The following KCNIP4 variants were observed in gnomAD, a reference collection of about 807,000 sequenced individuals.
KCNIP4 encodes Kv channel-interacting protein 4.
In KCNIP4, 12 loss-of-function variants were observed where a neutral mutation model predicts 34.0. That is an observed-to-expected ratio of 0.35 (90% confidence interval 0.23 to 0.57). The LOEUF (loss-of-function observed/expected upper bound fraction) is 0.57, where lower values mean the gene tolerates loss of function less well. KCNIP4 is among the 20% of genes least tolerant of loss of function. The pLI, the probability that KCNIP4 is intolerant of heterozygous loss-of-function variation, is 0.83. For missense variants in KCNIP4, 238 were observed against 311.7 expected, an observed-to-expected ratio of 0.76 and a Z score of 1.78; for synonymous variants, 124 against 102.2, an observed-to-expected ratio of 1.21 and a Z score of -1.29.
intron 1 of KCNIP4, among the ~76,000 whole-genome samples, chr4:21,280,438 T>C (rs922013433): frequency 3.3e-5 from 5 of 152,176 alleles, no homozygotes; most frequent in Non-Finnish European, 5.9e-5. Context: ...AACAAGCACC[T>C]GTTATCTCTA....
chr4:21,187,849 G>A (rs570182823), intron 1 of KCNIP4, among the ~76,000 whole-genome samples: 7 of 152,162 alleles, frequency 4.6e-5, no homozygotes, highest in East Asian at 1.9e-4. Flanking sequence ...AGGCTGGCTC[G>A]AAATTAGCAT....
rs1182454951 is a variant in KCNIP4, at chr4:20,905,505, C to CTTTTTTTTT, written c.62-22797_62-22796insAAAAAAAAA. On this transcript the variant is annotated intron_variant, in intron 1 of 8. Transcript: ENST00000382152. ...TATTACACAGGTAGTTGAACGTTTT[C>CTTTTTTTTT]TTTCTTTTTTTTTTTTTTTTGTTTG... 1.4e-3 allele frequency among the ~76,000 whole-genome samples: 51 copies of CTTTTTTTTT among 37,044 alleles called. 1 individual carries two copies. Among genetic ancestry groups the CTTTTTTTTT allele is most frequent in the African/African-American group, 3.1e-3 (42 of 13,520 alleles). The allele number at this position is 37,044 out of a possible 152,430, so 24.3% of individuals were successfully genotyped here. A position where few individuals can be genotyped will look rare whatever the true frequency, so the allele number is the denominator to read the frequency against.
At chr4:21,947,787 TA>T (rs1730588290) in intron 1 of KCNIP4, among the ~76,000 whole-genome samples, 1 of 152,202 alleles carries the variant, frequency 6.6e-6, no homozygotes, top group South Asian at 2.1e-4. Context: ...CCGGCTCCTG[TA>T]AAATACTCTG....
At chr4:21,085,797 A>T (rs1746374809) in intron 1 of KCNIP4, among the ~76,000 whole-genome samples, 1 of 152,232 alleles carries the variant, frequency 6.6e-6, no homozygotes, top group Admixed American at 6.5e-5. Context: ...GTGAGAAATC[A>T]GAAGTTCACA....
At chr4:21,513,405 C>A (rs1966943) in intron 1 of KCNIP4, among the ~76,000 whole-genome samples, 27,063 of 152,094 alleles carry the variant, frequency 0.18, 2,604 homozygotes, top group Non-Finnish European at 0.21. Flanking sequence ...TCTTTATCAA[C>A]AGCTTGTGTT....
chr4:21,726,570 AATTTG>A (rs1358113609), intron 1 of KCNIP4, among the ~76,000 whole-genome samples: 1 of 152,156 alleles, frequency 6.6e-6, no homozygotes, highest in Non-Finnish European at 1.5e-5. Context: ...GGCCAGCAAC[AATTTG>A]AGTCCTGCTT....
At chr4:21,811,611 G>C (rs1478991167) in intron 1 of KCNIP4, among the ~76,000 whole-genome samples, 1 of 152,154 alleles carries the variant, frequency 6.6e-6, no homozygotes, top group Non-Finnish European at 1.5e-5. Context: ...AATTTAAAGA[G>C]TAAATAACTG....
chr4:20,802,991 C>T (rs1382126116), intron 3 of KCNIP4, among the ~76,000 whole-genome samples: 9 of 145,244 alleles, frequency 6.2e-5, no homozygotes, highest in East Asian at 4.2e-4. Context: ...AGGAGAATGG[C>T]GTGAATCTGG....
intron 1 of KCNIP4, among the ~76,000 whole-genome samples, chr4:21,909,834 G>A (rs561249162): frequency 6.6e-6 from 1 of 152,138 alleles, no homozygotes; most frequent in Admixed American, 6.5e-5. Flanking sequence ...CCAAGCAAAA[G>A]GGGTTTCCCC....
intron 1 of KCNIP4, among the ~76,000 whole-genome samples, chr4:21,057,912 T>C (rs1200220088): frequency 1.3e-5 from 2 of 152,192 alleles, no homozygotes; most frequent in African/African-American, 4.8e-5. Flanking sequence ...TTTTAAAATG[T>C]CACACTGATT....
At chr4:20,854,169 T>C (rs1721334162) in intron 2 of KCNIP4, among the ~76,000 whole-genome samples, 1 of 152,202 alleles carries the variant, frequency 6.6e-6, no homozygotes, top group Admixed American at 6.6e-5. Flanking sequence ...GAAGTCATTA[T>C]TCAAAAAAGA....
In KCNIP4 at chr4:21,638,866, C is replaced by T. The variant is rs117922814; in HGVS notation, c.61+309705G>A. Among the ~76,000 whole-genome samples, 219 of 152,262 alleles carry T rather than the reference C, an allele frequency of 1.4e-3. 1 individual carries two copies. Among genetic ancestry groups the T allele is most frequent in the East Asian group, 0.013 (66 of 5,178 alleles). ...TTTTTTGTACAAAGAAAATTAGTTA[C>T]TTGTGATAATGTTGCAAAACTAGAG... On this transcript the variant is annotated intron_variant, in intron 1 of 8. Transcript: ENST00000382152.
At chr4:20,731,500 T>TG in intron 8 of KCNIP4, 2 of 985,314 alleles carry the variant, frequency 2.0e-6, no homozygotes, top group South Asian at 9.4e-5. Context: ...CCACTGTTTA[T>TG]TTTTTGTGAC....
rs200378946 is a variant in KCNIP4 at position 21,753,234 on chromosome 4, G to GA, written c.61+195336dup. 2.8e-3 allele frequency among the ~76,000 whole-genome samples: 433 copies of GA among 152,002 alleles called. 2 individuals are homozygous for GA. Among genetic ancestry groups the GA allele is most frequent in the African/African-American group, 9.6e-3 (399 of 41,486 alleles). On this transcript the variant is annotated intron_variant, in intron 1 of 8. Transcript: ENST00000382152. ...TTTTCACACTATCTGAGGTCTTAGAGAAAAAAAATGTTCACTAAGTAAATC... is the reference window on the plus strand; with the variant it reads ...TTTTCACACTATCTGAGGTCTTAGAGAAAAAAAAATGTTCACTAAGTAAATC...
intron 1 of KCNIP4, among the ~76,000 whole-genome samples, chr4:21,887,049 T>C (rs17570050): frequency 0.15 from 22,345 of 152,078 alleles, 2,012 homozygotes; most frequent in Non-Finnish European, 0.2. Context: ...AGGACAAAGA[T>C]AAAGTACAAA....
At chr4:21,051,687 C>T (rs888846482) in intron 1 of KCNIP4, among the ~76,000 whole-genome samples, 2 of 151,896 alleles carry the variant, frequency 1.3e-5, no homozygotes, top group African/African-American at 4.8e-5. Context: ...TAATTGTAAC[C>T]TTTAATTTAT....
intron 1 of KCNIP4, among the ~76,000 whole-genome samples, chr4:21,195,001 G>A (rs1755953487): frequency 6.6e-6 from 1 of 152,126 alleles, no homozygotes; most frequent in African/African-American, 2.4e-5. Context: ...CTGACCCATG[G>A]GTTAGATCTC....
intron 1 of KCNIP4, among the ~76,000 whole-genome samples, chr4:21,494,773 T>TAAA (rs34162922): frequency 0.016 from 1,804 of 111,700 alleles, 50 homozygotes; most frequent in African/African-American, 0.046. Flanking sequence ...TCAGACTGTG[T>TAAA]AAAAAAAAAA....
At chr4:21,319,830 A>C (rs953030584) in intron 1 of KCNIP4, among the ~76,000 whole-genome samples, 1 of 152,202 alleles carries the variant, frequency 6.6e-6, no homozygotes, top group Non-Finnish European at 1.5e-5. Context: ...GTCGTGTCCC[A>C]CTAATGGATA....
Sources: allele counts gnomAD v4.1 joint callset (sites outside exome capture counted in the v4.1 genomes callset), GRCh38; gene constraint gnomAD v4.1.1; transcripts MANE v1.5; gene names NCBI Gene and HGNC (gene_info 2026-07-23, HGNC 2026-07-21).